The following PTPRG variants were observed in gnomAD, a reference collection of about 807,000 sequenced individuals.
The protein encoded by PTPRG is receptor-type tyrosine-protein phosphatase gamma.
Under a neutral mutation model 165.3 loss-of-function variants are expected in PTPRG, and 102 were observed. That is an observed-to-expected ratio of 0.62 (90% confidence interval 0.53 to 0.73). The LOEUF is 0.73. PTPRG is among the 30% of genes least tolerant of loss of function. The pLI is 0.00. For synonymous variants in PTPRG, 675 were observed against 669.5 expected, an observed-to-expected ratio of 1.01 and a Z score of -0.13; for missense variants, 1,866 against 1,861.4, an observed-to-expected ratio of 1.00 and a Z score of -0.05.
At chr3:62,002,197 A>C (rs1288029478) in intron 3 of PTPRG, among the ~76,000 whole-genome samples, 3 of 152,226 alleles carry the variant, frequency 2.0e-5, no homozygotes, top group Non-Finnish European at 4.4e-5. Context: ...AACTAATTGC[A>C]GTATTCTAGA....
intron 2 of PTPRG, among the ~76,000 whole-genome samples, chr3:61,907,028 T>G (rs547490713): frequency 6.6e-6 from 1 of 152,332 alleles, no homozygotes; most frequent in Admixed American, 6.5e-5. Context: ...GTTGGACAAC[T>G]TAAAACACAC....
chr3:62,246,741 G>C (rs2106959452), intron 15 of PTPRG, among the ~76,000 whole-genome samples: 1 of 152,010 alleles, frequency 6.6e-6, no homozygotes, highest in East Asian at 1.9e-4. Flanking sequence ...AATAATACGA[G>C]ATTTATAGAG....
intron 4 of PTPRG, among the ~76,000 whole-genome samples, chr3:62,027,102 CT>C (rs1010326449): frequency 1.3e-5 from 2 of 151,728 alleles, no homozygotes; most frequent in Non-Finnish European, 2.9e-5. Flanking sequence ...GCCCTGTTTT[CT>C]TTTTTTTAAG....
At chr3:61,680,085 G>A (rs779264139) in intron 1 of PTPRG, among the ~76,000 whole-genome samples, 1 of 152,172 alleles carries the variant, frequency 6.6e-6, no homozygotes, top group Admixed American at 6.6e-5. Context: ...AACCAGAGCA[G>A]TTGGGCCAGA....
intron 2 of PTPRG, among the ~76,000 whole-genome samples, chr3:61,902,405 G>A (rs1298124764): frequency 6.6e-6 from 1 of 152,132 alleles, no homozygotes; most frequent in African/African-American, 2.4e-5. Context: ...GGGAACAAAT[G>A]TAATTCATTG....
intron 5 of PTPRG, among the ~76,000 whole-genome samples, chr3:62,089,592 A>G (rs570211408): frequency 6.6e-6 from 1 of 152,290 alleles, no homozygotes; most frequent in Admixed American, 6.5e-5. Context: ...TCATCTCTTT[A>G]TTATGATTGT....
intron 2 of PTPRG, among the ~76,000 whole-genome samples, chr3:61,776,453 T>C (rs544412771): frequency 6.6e-6 from 1 of 152,338 alleles, no homozygotes; most frequent in Non-Finnish European, 1.5e-5. Flanking sequence ...GGTGTCACTT[T>C]ATGCTTATGG....
chr3:61,603,085 A>G (rs11921395), intron 1 of PTPRG, among the ~76,000 whole-genome samples: 4,992 of 152,230 alleles, frequency 0.033, 108 homozygotes, highest in East Asian at 0.071. Context: ...CATCATGGGA[A>G]TATTTATACC....
chr3:61,969,318 G>C (rs563293713), intron 2 of PTPRG, among the ~76,000 whole-genome samples: 32 of 152,046 alleles, frequency 2.1e-4, no homozygotes, highest in Admixed American at 3.9e-4. Context: ...TAAGGTCTGG[G>C]GTAGAGGGAA....
At chr3:62,069,684 T>TCTCTCTCTCTCTCTCTCACA (rs542306888) in intron 4 of PTPRG, among the ~76,000 whole-genome samples, 8 of 145,068 alleles carry the variant, frequency 5.5e-5, no homozygotes, top group Middle Eastern at 3.6e-3. Context: ...TCTCTCTCTC[T>TCTCTCTCTCTCTCTCTCACA]CACACACAGA....
At chr3:61,821,317 C>T (rs571787803) in intron 2 of PTPRG, among the ~76,000 whole-genome samples, 2 of 152,178 alleles carry the variant, frequency 1.3e-5, no homozygotes, top group African/African-American at 2.4e-5. Flanking sequence ...CTACAGGCGC[C>T]TGCCACCTCG....
At chr3:61,565,814 T>C (rs1699898581) in intron 1 of PTPRG, among the ~76,000 whole-genome samples, 1 of 151,688 alleles carries the variant, frequency 6.6e-6, no homozygotes, top group East Asian at 1.9e-4. Context: ...CTCTAAGCTG[T>C]CTCTTATTTT....
At chr3:61,581,210 C>T (rs921532270) in intron 1 of PTPRG, among the ~76,000 whole-genome samples, 39 of 152,150 alleles carry the variant, frequency 2.6e-4, no homozygotes, top group African/African-American at 7.5e-4. Flanking sequence ...CTGGAGGAGG[C>T]GTTGTAAATC....
intron 1 of PTPRG, among the ~76,000 whole-genome samples, chr3:61,668,991 A>G (rs1457355237): frequency 6.6e-6 from 1 of 152,158 alleles, no homozygotes; most frequent in African/African-American, 2.4e-5. Flanking sequence ...CATTTATTAC[A>G]CTGAACTTTA....
At chr3:62,070,020 A>G (rs553029177) in intron 4 of PTPRG, among the ~76,000 whole-genome samples, 1 of 152,344 alleles carries the variant, frequency 6.6e-6, no homozygotes, top group Admixed American at 6.5e-5. Context: ...ACTAGGAATA[A>G]AAACTTTGTT....
At chr3:62,126,239 G>T (rs993457346) in intron 5 of PTPRG, among the ~76,000 whole-genome samples, 1 of 152,168 alleles carries the variant, frequency 6.6e-6, no homozygotes, top group Non-Finnish European at 1.5e-5. Flanking sequence ...TGGTGGGTTG[G>T]GGAGGCAGGG....
chr3:61,866,757 C>G (rs1334106192), intron 2 of PTPRG, among the ~76,000 whole-genome samples: 1 of 151,850 alleles, frequency 6.6e-6, no homozygotes, highest in Non-Finnish European at 1.5e-5. Flanking sequence ...TGCCACCACG[C>G]CCAGCTAATT....
chr3:62,246,224 G>C (rs1701287475), intron 15 of PTPRG, among the ~76,000 whole-genome samples: 1 of 152,138 alleles, frequency 6.6e-6, no homozygotes, highest in South Asian at 2.1e-4. Flanking sequence ...TAACACGTTT[G>C]TAAAGATGAA....
chr3:61,909,496 C>T (rs1024831850), intron 2 of PTPRG, among the ~76,000 whole-genome samples: 4 of 152,090 alleles, frequency 2.6e-5, no homozygotes, highest in African/African-American at 9.7e-5. Flanking sequence ...ACCACAGGTG[C>T]ACCACCACAC....
Sources: gnomAD v4.1 joint callset for allele counts (sites outside exome capture counted in the v4.1 genomes callset) on GRCh38, gnomAD v4.1.1 for gene constraint, MANE v1.5 for transcripts, NCBI Gene and HGNC (gene_info 2026-07-23, HGNC 2026-07-21) for gene names.